The following MYO10 variants were observed in gnomAD, a reference collection of about 807,000 sequenced individuals.
MYO10 encodes the protein myosin X.
In MYO10, 133 loss-of-function variants were observed where a neutral mutation model predicts 257.3. That is an observed-to-expected ratio of 0.52 (90% CI 0.45 to 0.60). The LOEUF (loss-of-function observed/expected upper bound fraction) is 0.60, where lower values mean the gene tolerates loss of function less well. MYO10 is among the 20% of genes least tolerant of loss of function. The pLI, the probability that MYO10 is intolerant of heterozygous loss-of-function variation, is 0.00. For synonymous variants in MYO10, 1,104 were observed against 1,028.6 expected, an observed-to-expected ratio of 1.07 and a Z score of -1.40; for missense variants, 2,399 against 2,635.7, an observed-to-expected ratio of 0.91 and a Z score of 1.97.
chr5:16,703,839 A>G (rs144609498), intron 22 of MYO10, among the ~76,000 whole-genome samples: 3,501 of 144,010 alleles, frequency 0.024, 63 homozygotes, highest in African/African-American at 0.058. Context: ...CTGAGATCGC[A>G]CCATTGCACT....
intron 2 of MYO10, among the ~76,000 whole-genome samples, chr5:16,822,202 G>T (rs2126709048): frequency 6.6e-6 from 1 of 152,070 alleles, no homozygotes; most frequent in South Asian, 2.1e-4. Flanking sequence ...GGGATGGCGT[G>T]TGCGGCAAGC....
chr5:16,893,532 G>A (rs1404613480), intron 1 of MYO10, among the ~76,000 whole-genome samples: 1 of 151,456 alleles, frequency 6.6e-6, no homozygotes, highest in Non-Finnish European at 1.5e-5. Context: ...TACTCAGCAG[G>A]CTGAGGTGGG....
chr5:16,733,917 G>T (rs1051862889), intron 19 of MYO10, among the ~76,000 whole-genome samples: 2 of 152,070 alleles, frequency 1.3e-5, no homozygotes, highest in Non-Finnish European at 2.9e-5. Context: ...TGGGTGACTC[G>T]AACTGCTTAA....
intron 1 of MYO10, among the ~76,000 whole-genome samples, chr5:16,934,145 G>C (rs769920728): frequency 2.0e-5 from 3 of 152,214 alleles, no homozygotes; most frequent in Non-Finnish European, 4.4e-5. Flanking sequence ...AAGATGAAAA[G>C]AGTACTTTGA....
Position 16,666,329 on chromosome 5 carries a change from A to G in MYO10, c.*363T>C, listed in dbSNP as rs1736166701. On this transcript the variant is annotated 3_prime_UTR_variant, in exon 41 of 41. Transcript: ENST00000513610. Reference sequence around the variant, plus strand: ...CCACGCTCTGTTAAGTCTCCCCCAGAAGGGGGAAAGGCAGTTCCCTTCAGT... The same window carrying G: ...CCACGCTCTGTTAAGTCTCCCCCAGGAGGGGGAAAGGCAGTTCCCTTCAGT... 5.3e-6 allele frequency: 1 copy of G among 188,266 alleles called. No homozygotes were observed. The highest frequency in any genetic ancestry group is 1.1e-5 in the Non-Finnish European group (1 of 92,014). The allele number at this position is 188,266 out of a possible 1,614,324, so 11.7% of individuals were successfully genotyped here.
intron 19 of MYO10, among the ~76,000 whole-genome samples, chr5:16,713,108 C>T (rs925928160): frequency 6.6e-6 from 1 of 152,130 alleles, no homozygotes; most frequent in African/African-American, 2.4e-5. Flanking sequence ...ATTTATACTA[C>T]CAGAGAAGCC....
chr5:16,849,493 A>C (rs1743737438), intron 2 of MYO10, among the ~76,000 whole-genome samples: 1 of 152,190 alleles, frequency 6.6e-6, no homozygotes, highest in Non-Finnish European at 1.5e-5. Flanking sequence ...GATTCTTATA[A>C]GATTTTGTGG....
intron 2 of MYO10, among the ~76,000 whole-genome samples, chr5:16,824,019 T>A (rs1367413263): frequency 2.6e-5 from 4 of 152,080 alleles, no homozygotes; most frequent in Non-Finnish European, 4.4e-5. Flanking sequence ...TACAAACCGC[T>A]GGTAACATGG....
intron 1 of MYO10, among the ~76,000 whole-genome samples, chr5:16,924,866 T>C (rs1446680590): frequency 6.6e-6 from 1 of 150,768 alleles, no homozygotes; most frequent in Admixed American, 6.6e-5. Context: ...AGTCTCACTT[T>C]GTCACCCAGG....
chr5:16,713,421 C>T (rs1456021923), intron 19 of MYO10: 8 of 985,760 alleles, frequency 8.1e-6, no homozygotes, highest in Non-Finnish European at 9.6e-6. Context: ...TGACCTTTTC[C>T]CCACAGCTAA....
At chr5:16,674,333 G>A (rs1736620123) in intron 35 of MYO10, among the ~76,000 whole-genome samples, 1 of 152,020 alleles carries the variant, frequency 6.6e-6, no homozygotes, top group African/African-American at 2.4e-5. Context: ...GCCAGGCGTT[G>A]TGGCGGGCGC....
chr5:16,899,912 T>TG (rs1166397499), intron 1 of MYO10, among the ~76,000 whole-genome samples: 1 of 145,248 alleles, frequency 6.9e-6, no homozygotes, highest in Non-Finnish European at 1.5e-5. Context: ...GCAGGAGAAT[T>TG]GCTTGAACCC....
chr5:16,815,230 C>CA, intron 3 of MYO10: 1 of 480,142 alleles, frequency 2.1e-6, no homozygotes, highest in Non-Finnish European at 3.7e-6. Flanking sequence ...ATAGATTGAG[C>CA]ATCCCTTGTG....
intron 4 of MYO10, among the ~76,000 whole-genome samples, chr5:16,794,085 T>C (rs1219777977): frequency 1.3e-5 from 2 of 152,040 alleles, no homozygotes; most frequent in Non-Finnish European, 2.9e-5. Flanking sequence ...AAAAAAAATA[T>C]TGAAATAAAC....
At chr5:16,835,490 C>CTGGTTTTTTTTT (rs1743283867) in intron 2 of MYO10, among the ~76,000 whole-genome samples, 2 of 63,234 alleles carry the variant, frequency 3.2e-5, no homozygotes, top group African/African-American at 5.4e-5. Flanking sequence ...TCATTTTTGG[C>CTGGTTTTTTTTT]TGTTTTTTTT....
chr5:16,775,757 C>T (rs1306091325), intron 9 of MYO10, among the ~76,000 whole-genome samples: 6 of 151,886 alleles, frequency 4.0e-5, no homozygotes, highest in Middle Eastern at 3.2e-3. Context: ...CACGTGCCAC[C>T]ACGCCCAGCT....
At chr5:16,682,906 A>G (rs1737072728) in intron 30 of MYO10, among the ~76,000 whole-genome samples, 1 of 152,202 alleles carries the variant, frequency 6.6e-6, no homozygotes, top group African/African-American at 2.4e-5. Context: ...GGATCATCAC[A>G]TGCCCAGCCT....
At chr5:16,874,359 G>GGT (rs1561031407) in intron 2 of MYO10, among the ~76,000 whole-genome samples, 4 of 28,500 alleles carry the variant, frequency 1.4e-4, no homozygotes, top group African/African-American at 2.7e-4. Context: ...GGGGGGGGGG[G>GGT]TTTCTTTTCT....
intron 2 of MYO10, among the ~76,000 whole-genome samples, chr5:16,865,232 T>A (rs1744211534): frequency 6.6e-6 from 1 of 152,112 alleles, no homozygotes. Flanking sequence ...CAGTCCTCTT[T>A]CCCTTTACTT....
Sources: allele counts gnomAD v4.1 joint callset (sites outside exome capture counted in the v4.1 genomes callset), GRCh38; gene constraint gnomAD v4.1.1; transcripts MANE v1.5; gene names NCBI Gene and HGNC (gene_info 2026-07-23, HGNC 2026-07-21).